The following ENTREP2 variants were observed in gnomAD, a reference collection of about 807,000 sequenced individuals.
ENTREP2 encodes endosomal transmembrane epsin interactor 2.
chr15:29,606,480 C>T, the ENTREP2 span, among the ~76,000 whole-genome samples: 453 of 152,012 alleles, frequency 3.0e-3, no homozygotes, highest in African/African-American at 0.01. Context: ...GTGATCCACC[C>T]GCCTCAGCCT....
the ENTREP2 span, among the ~76,000 whole-genome samples, chr15:29,669,735 C>T: frequency 2.0e-5 from 3 of 152,100 alleles, no homozygotes; most frequent in Non-Finnish European, 2.9e-5. Context: ...GGTTTTCCAG[C>T]GGCTCCCTTA....
the ENTREP2 span, among the ~76,000 whole-genome samples, chr15:29,247,697 A>C: frequency 1.3e-5 from 2 of 151,808 alleles, no homozygotes; most frequent in Non-Finnish European, 2.9e-5. Flanking sequence ...CCCTCCCCCA[A>C]CCCTGCTTAA....
the ENTREP2 span, among the ~76,000 whole-genome samples, chr15:29,372,883 A>T: frequency 6.6e-6 from 1 of 152,198 alleles, no homozygotes; most frequent in Non-Finnish European, 1.5e-5. Context: ...TCGTTCAAAA[A>T]AAATAATATT....
At chr15:29,138,982 T>C in the ENTREP2 span, among the ~76,000 whole-genome samples, 2 of 151,966 alleles carry the variant, frequency 1.3e-5, no homozygotes, top group African/African-American at 2.4e-5. Context: ...AAGTCAATTC[T>C]TAATTCTGGG....
At chr15:29,570,837 C>G in the ENTREP2 span, 1 of 300,504 alleles carries the variant, frequency 3.3e-6, no homozygotes, top group Non-Finnish European at 4.8e-6. Context: ...GGCCTCCCAG[C>G]CGGCTGCCAG....
the ENTREP2 span, among the ~76,000 whole-genome samples, chr15:29,545,543 G>T: frequency 6.6e-6 from 1 of 152,182 alleles, no homozygotes; most frequent in Non-Finnish European, 1.5e-5. Context: ...TTTTATGAAA[G>T]CTTTGTTTAT....
chr15:29,398,920 C>A, the ENTREP2 span, among the ~76,000 whole-genome samples: 1 of 151,946 alleles, frequency 6.6e-6, no homozygotes, highest in Admixed American at 6.5e-5. Context: ...GGTCCCAAAT[C>A]AGTTTGCTGT....
At chr15:29,349,392 C>T in the ENTREP2 span, among the ~76,000 whole-genome samples, 1 of 152,154 alleles carries the variant, frequency 6.6e-6, no homozygotes, top group African/African-American at 2.4e-5. Context: ...ATATTGCATA[C>T]AAATTGGCAT....
chr15:29,400,987 G>A, the ENTREP2 span, among the ~76,000 whole-genome samples: 13 of 152,326 alleles, frequency 8.5e-5, no homozygotes, highest in African/African-American at 2.9e-4. Flanking sequence ...GCTACCTCTT[G>A]CCCTCCTCCT....
At chr15:29,644,695 C>T in the ENTREP2 span, among the ~76,000 whole-genome samples, 5,671 of 151,170 alleles carry the variant, frequency 0.038, 326 homozygotes, top group African/African-American at 0.12. Context: ...CCCAGCTACT[C>T]GGGAAGCTGA....
At chr15:29,196,292 G>A in the ENTREP2 span, 2 of 873,568 alleles carry the variant, frequency 2.3e-6, no homozygotes, top group East Asian at 2.7e-5. Context: ...AATGTTCTCT[G>A]GAAAGATATT....
chr15:29,173,566 G>A, the ENTREP2 span, among the ~76,000 whole-genome samples: 1 of 152,130 alleles, frequency 6.6e-6, no homozygotes, highest in Non-Finnish European at 1.5e-5. Context: ...GCCCTCCTGG[G>A]AGGATTCCGC....
At chr15:29,159,918 G>A in the ENTREP2 span, among the ~76,000 whole-genome samples, 286 of 152,394 alleles carry the variant, frequency 1.9e-3, 1 homozygote, top group African/African-American at 6.5e-3. Context: ...CGCGCTGTGC[G>A]CCTGCACTCC....
the ENTREP2 span, chr15:29,269,916 C>T: frequency 4.0e-6 from 2 of 503,590 alleles, no homozygotes; most frequent in Non-Finnish European, 6.8e-6. Flanking sequence ...CAGCGTTTTC[C>T]GTGCAGCCCT....
the ENTREP2 span, among the ~76,000 whole-genome samples, chr15:29,479,373 A>G: frequency 6.6e-6 from 1 of 152,016 alleles, no homozygotes; most frequent in Non-Finnish European, 1.5e-5. Context: ...CAGAACCAAG[A>G]GTGAATTAAA....
At chr15:29,367,705 T>C in the ENTREP2 span, among the ~76,000 whole-genome samples, 1 of 151,848 alleles carries the variant, frequency 6.6e-6, no homozygotes, top group Admixed American at 6.6e-5. Flanking sequence ...GCCCCAAGAG[T>C]CACACAGACC....
chr15:29,490,371 G>C, the ENTREP2 span, among the ~76,000 whole-genome samples: 11 of 152,318 alleles, frequency 7.2e-5, no homozygotes, highest in African/African-American at 2.6e-4. Context: ...AAGAGCGAAA[G>C]AACAAAACCT....
chr15:29,351,262 A>G, the ENTREP2 span, among the ~76,000 whole-genome samples: 1 of 152,230 alleles, frequency 6.6e-6, no homozygotes, highest in Admixed American at 6.5e-5. Flanking sequence ...TGTGTATCTA[A>G]GCATATCTAA....
At chr15:29,349,533 C>T in the ENTREP2 span, among the ~76,000 whole-genome samples, 2 of 152,104 alleles carry the variant, frequency 1.3e-5, no homozygotes, top group Non-Finnish European at 2.9e-5. Context: ...CCCAAGCTGC[C>T]AGAAATAGGA....
Sources: allele counts gnomAD v4.1 joint callset (sites outside exome capture counted in the v4.1 genomes callset), GRCh38; gene constraint gnomAD v4.1.1; transcripts MANE v1.5; gene names NCBI Gene and HGNC (gene_info 2026-07-23, HGNC 2026-07-21).